Variants in RDX observed in about 807,000 individuals in gnomAD.
The protein encoded by RDX is deafness, autosomal recessive 24.
Under a neutral mutation model 83.7 loss-of-function variants are expected in RDX, and 32 were observed. The observed-to-expected ratio is 0.38, with a 90% confidence interval of 0.29 to 0.51. The LOEUF (loss-of-function observed/expected upper bound fraction) is 0.51. Ranked by LOEUF, RDX falls within the 20% of genes least tolerant of loss-of-function variation. RDX has a pLI of 0.87. For synonymous variants in RDX, 229 were observed against 222.7 expected, an observed-to-expected ratio of 1.03 and a Z score of -0.25; for missense variants, 600 against 689.9, an observed-to-expected ratio of 0.87 and a Z score of 1.46.
chr11:110,296,007 T>C (rs1328537597), intron 1 of RDX, among the ~76,000 whole-genome samples: 1 of 152,260 alleles, frequency 6.6e-6, no homozygotes, highest in African/African-American at 2.4e-5. Flanking sequence ...TTCTAATAAA[T>C]GTAAAATCGA....
At chr11:110,256,829 A>G (rs1046145845) in intron 7 of RDX, among the ~76,000 whole-genome samples, 1 of 152,240 alleles carries the variant, frequency 6.6e-6, no homozygotes, top group Non-Finnish European at 1.5e-5. Context: ...AAACATGAGA[A>G]GATATTAGGG....
At chr11:110,253,430 C>T (rs1379810378) in intron 9 of RDX, among the ~76,000 whole-genome samples, 2 of 152,030 alleles carry the variant, frequency 1.3e-5, no homozygotes, top group African/African-American at 2.4e-5. Flanking sequence ...TTATTCACTA[C>T]CATTCAATTT....
chr11:110,294,304 A>G (rs376583505), intron 1 of RDX, among the ~76,000 whole-genome samples: 23 of 152,364 alleles, frequency 1.5e-4, no homozygotes, highest in South Asian at 6.2e-4. Flanking sequence ...CTGAGGTACA[A>G]GAATCACTTG....
At chr11:110,255,187 G>C in intron 8 of RDX, 102 bp downstream of exon 8, 2 of 690,512 alleles carry the variant, frequency 2.9e-6, no homozygotes, top group Non-Finnish European at 5.2e-6. Context: ...ATGGTCCTCA[G>C]AAGCAATTTA....
At chr11:110,289,956 C>CAAAATA (rs1861153614) in intron 1 of RDX, among the ~76,000 whole-genome samples, 2 of 35,484 alleles carry the variant, frequency 5.6e-5, no homozygotes, top group Admixed American at 4.8e-4. Flanking sequence ...GAGACTGTCT[C>CAAAATA]AAAAAAAAAA....
chr11:110,241,381 C>T (rs909814244), intron 10 of RDX, among the ~76,000 whole-genome samples: 1 of 152,032 alleles, frequency 6.6e-6, no homozygotes, highest in South Asian at 2.1e-4. Context: ...ACTGCAACCT[C>T]TGCCTCCTGG....
chr11:110,239,522 C>T (rs1185076470), intron 10 of RDX, among the ~76,000 whole-genome samples: 1 of 152,100 alleles, frequency 6.6e-6, no homozygotes, highest in African/African-American at 2.4e-5. Context: ...ATGGGCAAAA[C>T]ATCTGAACTG....
At chr11:110,190,032 G>C (rs776926733) in intron 15 of RDX, among the ~76,000 whole-genome samples, 66 of 152,222 alleles carry the variant, frequency 4.3e-4, no homozygotes, top group Middle Eastern at 3.4e-3. Context: ...GTGGTGAGCC[G>C]AGATCGTGCC....
At chr11:110,272,843 C>A (rs1243716682) in intron 2 of RDX, 1 of 548,082 alleles carries the variant, frequency 1.8e-6, no homozygotes, top group Non-Finnish European at 3.3e-6. Flanking sequence ...TCTCATTTAG[C>A]CCTTGCTATA....
rs549340874 is a variant in RDX at position 110,266,892 on chromosome 11, GT to G, written c.97-2019del. ...TGCAAGCCACTGCGCTTGGCCCTTG[GT>G]TTGTTTGTTTGTTTGTTTGTTTTGA... On this transcript the variant is annotated intron_variant, in intron 3 of 13. Transcript: ENST00000645495. Among the ~76,000 whole-genome samples the G allele has an allele frequency of 6.7e-3, 300 of 45,086 alleles. 1 individual carries two copies. The highest frequency in any genetic ancestry group is 0.038 in the African/African-American group (289 of 7,686). The allele number at this position is 45,086 out of a possible 152,430, so 29.6% of individuals were successfully genotyped here.
intron 10 of RDX, among the ~76,000 whole-genome samples, chr11:110,242,033 T>C (rs1278991656): frequency 2.6e-5 from 4 of 151,650 alleles, no homozygotes; most frequent in Admixed American, 2.6e-4. Flanking sequence ...AGGGGGGAAA[T>C]GGGGATTGTT....
At chr11:110,195,152 A>AG (rs1863177966) in intron 15 of RDX, among the ~76,000 whole-genome samples, 1 of 151,874 alleles carries the variant, frequency 6.6e-6, no homozygotes, top group Non-Finnish European at 1.5e-5. Context: ...CACCATGCCC[A>AG]GGGGGGTTTC....
chr11:110,247,288 A>G (rs1859150660), intron 10 of RDX, among the ~76,000 whole-genome samples: 1 of 152,192 alleles, frequency 6.6e-6, no homozygotes, highest in Non-Finnish European at 1.5e-5. Flanking sequence ...AAGTTCATAT[A>G]GTCAGAATAG....
intron 15 of RDX, among the ~76,000 whole-genome samples, chr11:110,194,513 C>T (rs774188807): frequency 1.3e-5 from 2 of 152,204 alleles, no homozygotes; most frequent in Non-Finnish European, 1.5e-5. Flanking sequence ...AGTCACTGCA[C>T]CCAGCCGGAT....
chr11:110,211,385 G>A (rs1236609852), intron 14 of RDX, among the ~76,000 whole-genome samples: 1 of 150,804 alleles, frequency 6.6e-6, no homozygotes, highest in Non-Finnish European at 1.5e-5. Context: ...ATTAATAATG[G>A]GAGACTTTAA....
At chr11:110,190,690 C>T (rs747462335) in intron 15 of RDX, among the ~76,000 whole-genome samples, 1 of 151,898 alleles carries the variant, frequency 6.6e-6, no homozygotes, top group Non-Finnish European at 1.5e-5. Context: ...AATCAATAGA[C>T]CACTACCTAG....
chr11:110,293,713 A>T (rs995152275), intron 1 of RDX, among the ~76,000 whole-genome samples: 4 of 152,216 alleles, frequency 2.6e-5, no homozygotes, highest in African/African-American at 9.6e-5. Flanking sequence ...CGTGGTCTGC[A>T]GGAAGGTTCC....
intron 10 of RDX, among the ~76,000 whole-genome samples, chr11:110,242,736 C>A (rs1011532917): frequency 1.3e-5 from 2 of 152,134 alleles, no homozygotes; most frequent in African/African-American, 2.4e-5. Flanking sequence ...CTACTCCAGT[C>A]CCTCCTAAAA....
intron 10 of RDX, among the ~76,000 whole-genome samples, chr11:110,240,720 G>C (rs963318169): frequency 1.4e-5 from 2 of 139,776 alleles, no homozygotes; most frequent in Non-Finnish European, 3.1e-5. Context: ...ACTCCAGCCT[G>C]GGCGACAGAG....
Sources: gnomAD v4.1 joint callset for allele counts (sites outside exome capture counted in the v4.1 genomes callset) on GRCh38, gnomAD v4.1.1 for gene constraint, MANE v1.5 for transcripts, NCBI Gene and HGNC (gene_info 2026-07-23, HGNC 2026-07-21) for gene names.